The following MED15 variants were observed in gnomAD, a reference collection of about 807,000 sequenced individuals.
MED15 encodes mediator of RNA polymerase II transcription subunit 15.
A neutral mutation model predicts 118.7 loss-of-function variants in MED15; 41 were observed. The ratio of observed to expected loss-of-function variants is 0.35; its 90% CI spans 0.27 to 0.45. The LOEUF (loss-of-function observed/expected upper bound fraction) is 0.45, where lower values mean the gene tolerates loss of function less well. Among genes scored for constraint, MED15 ranks in the 20% least tolerant of loss-of-function variants. MED15 has a pLI of 1.00. For missense variants in MED15, 740 were observed against 1,025.5 expected, an observed-to-expected ratio of 0.72 and a Z score of 3.80; for synonymous variants, 436 against 413.9, an observed-to-expected ratio of 1.05 and a Z score of -0.65.
At chr22:20,517,607 C>T (rs1194015673) in intron 1 of MED15, among the ~76,000 whole-genome samples, 1 of 152,158 alleles carries the variant, frequency 6.6e-6, no homozygotes, top group African/African-American at 2.4e-5. Context: ...AGGCTTATCT[C>T]CTCCTAGTCT....
intron 13 of MED15, 34 bp from the exon 14 acceptor site, chr22:20,584,325 C>T (rs1282021657): frequency 6.2e-7 from 1 of 1,608,140 alleles, no homozygotes; most frequent in East Asian, 2.2e-5. Flanking sequence ...GCCATGTCTT[C>T]CACTCTTTCA....
intron 5 of MED15, among the ~76,000 whole-genome samples, chr22:20,556,674 GT>G (rs888934595): frequency 6.6e-6 from 1 of 151,356 alleles, no homozygotes; most frequent in African/African-American, 2.4e-5. Context: ...ATTTTACCAC[GT>G]GTCAAATCAA....
At chr22:20,543,111 T>TTGTGTGTGTGTG (rs61279859) in intron 2 of MED15, among the ~76,000 whole-genome samples, 45 of 141,268 alleles carry the variant, frequency 3.2e-4, no homozygotes, top group Middle Eastern at 3.5e-3. Context: ...TCTCTCTTCT[T>TTGTGTGTGTGTG]TGTGTGTGTG....
chr22:20,524,752 G>T (rs1165655459), intron 1 of MED15, among the ~76,000 whole-genome samples: 1 of 152,182 alleles, frequency 6.6e-6, no homozygotes, highest in Non-Finnish European at 1.5e-5. Flanking sequence ...TTTTGGAGTC[G>T]CTGGGCTTAC....
At chr22:20,572,526 C>T (rs5759268) in intron 8 of MED15, among the ~76,000 whole-genome samples, 9,217 of 152,334 alleles carry the variant, frequency 0.061, 647 homozygotes, top group East Asian at 0.38. Flanking sequence ...GTGCTGTGCA[C>T]ACCTGGTTCT....
chr22:20,579,017 C>T (rs903865347), intron 9 of MED15, among the ~76,000 whole-genome samples: 1 of 152,232 alleles, frequency 6.6e-6, no homozygotes, highest in African/African-American at 2.4e-5. Context: ...ATTCTGGACA[C>T]AGTGCTCAGC....
rs1380016161 is a variant in MED15, at chr22:20,584,970, G to A, written c.1919G>A (p.Arg640His). Reference sequence around the variant, plus strand: ...CCTGTCTTCAACCATTCCCTGTACCGCACATTCGTTCCAGCCATGACCGCC... The same window carrying A: ...CCTGTCTTCAACCATTCCCTGTACCACACATTCGTTCCAGCCATGACCGCC... ...RSPVFNHSLY[R>H]TFVPAMTAIH... The change falls in exon 15 of 18, where the codon CGC becomes CAC. Residue 640 changes from arginine (R) to histidine (H), a missense_variant. By Grantham distance (29) the Arg-to-His change is conservative. Around this residue, in one of 7 missense-constraint regions of MED15, gnomAD observed 179 missense variants for 259.0 expected, o/e 0.69. Transcript: ENST00000263205. The A allele has an allele frequency of 2.5e-6, 4 of 1,613,930 alleles. No homozygotes were observed. The highest frequency in any genetic ancestry group is 3.4e-6 in the Non-Finnish European group (4 of 1,180,000).
chr22:20,541,736 G>A (rs1000489963), intron 2 of MED15, among the ~76,000 whole-genome samples: 9 of 150,216 alleles, frequency 6.0e-5, no homozygotes, highest in Admixed American at 4.0e-4. Flanking sequence ...CGCAACCTCC[G>A]CCTCCCAGGT....
chr22:20,582,370 C>T (rs980360235), intron 9 of MED15: 1 of 603,536 alleles, frequency 1.7e-6, no homozygotes, highest in Non-Finnish European at 2.9e-6. Flanking sequence ...CCTGTGGGTC[C>T]CTGGCCAAGG....
intron 6 of MED15, 91 bp downstream of exon 6, chr22:20,564,779 A>G: frequency 6.3e-7 from 1 of 1,576,260 alleles, no homozygotes; most frequent in South Asian, 1.2e-5. Flanking sequence ...CAGTGCCCGG[A>G]GCCAGCCGAG....
intron 1 of MED15, among the ~76,000 whole-genome samples, chr22:20,512,278 A>G (rs576656053): frequency 6.6e-5 from 10 of 151,988 alleles, no homozygotes; most frequent in Non-Finnish European, 1.3e-4. Flanking sequence ...GTGAGCTACT[A>G]TGCCTGGCCC....
At chr22:20,561,322 G>A (rs1019367727) in intron 5 of MED15, among the ~76,000 whole-genome samples, 3 of 152,040 alleles carry the variant, frequency 2.0e-5, no homozygotes, top group Admixed American at 1.3e-4. Flanking sequence ...AGATTGAGGC[G>A]ATCCTGGCCA....
At chr22:20,532,699 G>A (rs1159787768) in intron 1 of MED15, among the ~76,000 whole-genome samples, 1 of 152,202 alleles carries the variant, frequency 6.6e-6, no homozygotes, top group African/African-American at 2.4e-5. Flanking sequence ...GCACCACCCA[G>A]GCAGCCTTGG....
At position 20,568,522 on chromosome 22, in the gene MED15, T is replaced by C. The variant is rs1569233198; in HGVS notation, c.1043T>C (p.Val348Ala). ...CACATTCTCTCTTTCTCCCTCAAGG[T>C]CCGAGCTCCGATGGTGGTGCAGCAG... Reference protein sequence around the residue: ...MLYTQPPLKFVRAPMVVQQPP... With the variant: ...MLYTQPPLKFARAPMVVQQPP... Residue 348 changes from valine (V) to alanine (A), a missense_variant and splice_region_variant, in exon 8 of 18, where the codon GTC (valine) becomes GCC (alanine). Coordinates refer to ENST00000263205, the MANE Select transcript of MED15 (RefSeq NM_001003891.3). The C allele has an allele frequency of 3.7e-6, 6 of 1,613,400 alleles. No individual in the cohort carries two copies. The highest frequency in any genetic ancestry group is 1.3e-5 in the African/African-American group (1 of 74,884).
Position 20,586,916 on chromosome 22 carries a change from C to G in MED15, c.*212C>G, listed in dbSNP as rs560763394. The G allele has an allele frequency of 1.5e-4, 104 of 699,894 alleles. 2 individuals carry two copies. The South Asian group carries it at 2.3e-3, about 15-fold the overall frequency. 43.4% of individuals were successfully genotyped at this position (699,894 alleles called of 1,614,324 possible). ...AGCGGGTTGCTTGGGGGGCGTTGGC[C>G]GACTTCTTAGAGAAGGCCCTCCATG... On this transcript the variant is annotated 3_prime_UTR_variant, in exon 18 of 18. Coordinates refer to ENST00000263205, the MANE Select transcript of MED15 (RefSeq NM_001003891.3).
chr22:20,570,415 A>C (rs1443265099), intron 8 of MED15, among the ~76,000 whole-genome samples: 1 of 144,058 alleles, frequency 6.9e-6, no homozygotes, highest in Non-Finnish European at 1.5e-5. Context: ...TTTTTGAGAC[A>C]GAGTCTGACT....
chr22:20,508,242 C>G (rs1054854762), intron 1 of MED15: 11 of 1,272,496 alleles, frequency 8.6e-6, no homozygotes, highest in Non-Finnish European at 1.0e-5. Flanking sequence ...CTGAGGGTGA[C>G]CCCCCGAAGG....
rs545493889 is a variant in MED15 at position 20,577,955 on chromosome 22, G to A, written c.1272+2723G>A. On this transcript the variant is annotated intron_variant, in intron 9 of 17. Transcript: ENST00000263205. ...TTTTCTTTTTTTGAGACAGAGTCTC[G>A]CACTTGTCCCCCAGGCAGGAGTGCA... Among the ~76,000 whole-genome samples the A allele has an allele frequency of 4.6e-5, 7 of 152,082 alleles. No individual in the cohort carries two copies. The East Asian group carries it at 7.7e-4, about 17-fold the overall frequency.
At chr22:20,583,681 G>C (rs1404886498) in intron 13 of MED15, 1 of 438,866 alleles carries the variant, frequency 2.3e-6, no homozygotes. Context: ...GCTTGCAGTG[G>C]CCTGACCATC....
Sources: allele counts gnomAD v4.1 joint callset (sites outside exome capture counted in the v4.1 genomes callset), GRCh38; gene constraint gnomAD v4.1.1; regional missense constraint gnomAD v4.1.1; transcripts MANE v1.5; gene names NCBI Gene and HGNC (gene_info 2026-07-23, HGNC 2026-07-21).